Variants in PRPF4 observed in about 807,000 individuals in gnomAD.
The protein encoded by PRPF4 is U4/U6 small nuclear ribonucleoprotein Prp4.
In PRPF4, 14 loss-of-function variants were observed where a neutral mutation model predicts 72.2. That is an observed-to-expected ratio of 0.19 (90% CI 0.13 to 0.30). The LOEUF is 0.30. Among genes scored for constraint, PRPF4 ranks in the 10% least tolerant of loss-of-function variants. The pLI is 1.00. For missense variants in PRPF4, 478 were observed against 653.9 expected (o/e 0.73, Z 2.93); for synonymous variants, 225 against 232.2 (o/e 0.97, Z 0.28).
chr9:113,290,089 G>A (rs746336374), intron 10 of PRPF4, among the ~76,000 whole-genome samples: 3 of 152,144 alleles, frequency 2.0e-5, no homozygotes, highest in East Asian at 3.9e-4. Context: ...GCATGGTGGC[G>A]CACACCTGTA....
chr9:113,289,234 A>G (rs1588018874), intron 10 of PRPF4, among the ~76,000 whole-genome samples: 1 of 152,304 alleles, frequency 6.6e-6, no homozygotes, highest in East Asian at 1.9e-4. Flanking sequence ...TGACTGTGCC[A>G]TAGTTTATCC....
intron 2 of PRPF4, among the ~76,000 whole-genome samples, chr9:113,277,382 C>CTT (rs1024297259): frequency 2.4e-4 from 36 of 148,308 alleles, no homozygotes; most frequent in East Asian, 1.2e-3. Flanking sequence ...AAAGTGAAAT[C>CTT]TTTTTGTGTG....
At chr9:113,281,337 G>GT (rs1174047069) in intron 3 of PRPF4, among the ~76,000 whole-genome samples, 2 of 152,000 alleles carry the variant, frequency 1.3e-5, no homozygotes, top group Non-Finnish European at 2.9e-5. Context: ...TGTTTAGTTT[G>GT]TTTTTTCCAC....
At position 113,284,459 on chromosome 9, in the gene PRPF4, C is replaced by A. The variant is rs141534953; in HGVS notation, c.749+70C>A. ...GGCTCAGGAAGAAAATTAGCATTTG[C>A]GTTAGACGTCTATTTCTACGTCCTC... is the stretch of plus-strand genomic sequence containing the variant. On this transcript the variant is annotated intron_variant, in intron 7 of 13. Coordinates refer to ENST00000374198, the MANE Select transcript of PRPF4 (RefSeq NM_001244926.2). The A allele has an allele frequency of 1.5e-5, 19 of 1,277,174 alleles. No individual in the cohort carries two copies. In the African/African-American group the frequency reaches 2.5e-4, roughly 17 times the overall value. 79.1% of individuals were successfully genotyped at this position (1,277,174 alleles called of 1,614,324 possible).
At chr9:113,288,696 C>T (rs1050491222) in intron 10 of PRPF4, among the ~76,000 whole-genome samples, 3 of 152,260 alleles carry the variant, frequency 2.0e-5, no homozygotes, top group African/African-American at 7.2e-5. Flanking sequence ...CTCAGCCTCC[C>T]AAAGTGCTGG....
Position 113,279,069 on chromosome 9 carries a change from C to T in PRPF4, c.330C>T (p.Cys110=), listed in dbSNP as rs376191340. The T allele has an allele frequency of 6.2e-7, 1 of 1,614,176 alleles. No homozygotes were observed. ...VSTDDSEVKA[C]LRALGEPITL... Reference sequence around the variant, plus strand: ...CAGATGACTCAGAGGTCAAAGCTTGCCTTAGAGCCTTGGGGGAACCCATCA... The same window carrying T: ...CAGATGACTCAGAGGTCAAAGCTTGTCTTAGAGCCTTGGGGGAACCCATCA... The change falls in exon 3 of 14, where the codon TGC becomes TGT. Residue 110 remains cysteine (C), a synonymous_variant. Coordinates refer to ENST00000374198, the MANE Select transcript of PRPF4 (RefSeq NM_001244926.2).
chr9:113,291,152 A>C, intron 13 of PRPF4, 136 bp downstream of exon 13: 1 of 931,686 alleles, frequency 1.1e-6, no homozygotes, highest in Non-Finnish European at 1.7e-6. Context: ...GGAGCAAATT[A>C]TAATTTCCTT....
chr9:113,284,266 A>G (rs776802888), intron 6 of PRPF4, 29 bp from the exon 7 acceptor site: 2 of 1,487,480 alleles, frequency 1.3e-6, no homozygotes, highest in Non-Finnish European at 9.4e-7. Context: ...ATTAATGATC[A>G]CCGTGTGTGT....
intron 9 of PRPF4, among the ~76,000 whole-genome samples, 177 bp from the exon 10 acceptor site, chr9:113,287,998 C>T (rs574980005): frequency 6.6e-6 from 1 of 152,300 alleles, no homozygotes; most frequent in African/African-American, 2.4e-5. Flanking sequence ...TTCTAGAATC[C>T]AGGTACTCCT....
At chr9:113,282,601 T>C (rs1832314346) in intron 3 of PRPF4, 45 bp from the exon 4 acceptor site, 1 of 1,432,456 alleles carries the variant, frequency 7.0e-7, no homozygotes. Context: ...AACAGTATTA[T>C]CTCAACCATG....
Position 113,282,574 on chromosome 9 carries a change from T to C in PRPF4, c.393-72T>C, listed in dbSNP as rs538827377. ...TTTAATAACAGTGTTTAAAACTGTGTTAAAGTGTACTTTAAAAACAGTATT... is the reference window on the plus strand; with the variant it reads ...TTTAATAACAGTGTTTAAAACTGTGCTAAAGTGTACTTTAAAAACAGTATT... On this transcript the variant is annotated intron_variant, in intron 3 of 13. Coordinates refer to ENST00000374198, the MANE Select transcript of PRPF4 (RefSeq NM_001244926.2). 82 of 1,208,720 alleles carry C rather than the reference T, an allele frequency of 6.8e-5. 1 individual carries two copies. In the South Asian group the frequency reaches 9.8e-4, roughly 14 times the overall value. The allele number at this position is 1,208,720 out of a possible 1,614,324, so 74.9% of individuals were successfully genotyped here. A position where few individuals can be genotyped will look rare whatever the true frequency, so the allele number is the denominator to read the frequency against.
At position 113,275,716 on chromosome 9, in the gene PRPF4, C is replaced by T; in HGVS notation, c.-28C>T. The T allele has an allele frequency of 1.2e-6, 2 of 1,608,060 alleles. No individual in the cohort carries two copies. Among genetic ancestry groups the T allele is most frequent in the South Asian group, 1.1e-5 (1 of 90,618 alleles). The stretch of plus-strand genomic sequence containing the variant: ...TCTGAAAGGGAGTGTTCGGGTTTCG[C>T]TGGGGCCTCGCGGCTCCAGAGCCCA... On this transcript the variant is annotated 5_prime_UTR_variant, in exon 1 of 14. Coordinates refer to ENST00000374198, the MANE Select transcript of PRPF4 (RefSeq NM_001244926.2).
chr9:113,284,227 GA>G (rs756228634), intron 6 of PRPF4, 67 bp from the exon 7 acceptor site: 6 of 1,223,090 alleles, frequency 4.9e-6, no homozygotes, highest in Non-Finnish European at 7.1e-6. Flanking sequence ...TTTTATGGTG[GA>G]AAAGCAAAGG....
chr9:113,285,085 A>G (rs1470136778), intron 7 of PRPF4, among the ~76,000 whole-genome samples: 1 of 152,018 alleles, frequency 6.6e-6, no homozygotes, highest in Non-Finnish European at 1.5e-5. Flanking sequence ...AAGCCTCATT[A>G]CCTTCACTAT....
At chr9:113,276,295 C>A (rs553880729) in intron 1 of PRPF4, among the ~76,000 whole-genome samples, 1 of 152,300 alleles carries the variant, frequency 6.6e-6, no homozygotes, top group Non-Finnish European at 1.5e-5. Context: ...CAGAGCAAAC[C>A]TTTCATAGGA....
intron 6 of PRPF4, 134 bp downstream of exon 6, chr9:113,283,616 C>A: frequency 1.2e-6 from 1 of 826,978 alleles, no homozygotes; most frequent in Non-Finnish European, 1.9e-6. Flanking sequence ...GCTGCTGTGA[C>A]ATGGAAGGAG....
intron 2 of PRPF4, 96 bp downstream of exon 2, chr9:113,276,821 A>G (rs1041842943): frequency 7.3e-5 from 79 of 1,087,712 alleles, no homozygotes; most frequent in Non-Finnish European, 9.0e-5. Context: ...AAAAATTACA[A>G]TTTTTTTTTT....
intron 10 of PRPF4, among the ~76,000 whole-genome samples, chr9:113,289,008 CCAT>C (rs1316189514): frequency 1.3e-5 from 2 of 152,198 alleles, no homozygotes; most frequent in African/African-American, 4.8e-5. Context: ...AGAGAATAGT[CCAT>C]CACCCCAGAA....
At position 113,291,658 on chromosome 9, in the gene PRPF4, T is replaced by G. The variant is rs1431742081; in HGVS notation, c.1564T>G (p.Ter522GluextTer24). ...DRTFKLWMAE[*>E] Reference sequence around the variant, plus strand: ...GACCTTCAAGCTGTGGATGGCTGAATAGATGACAATGGGAAAAGGACTTGA... The same window carrying G: ...GACCTTCAAGCTGTGGATGGCTGAAGAGATGACAATGGGAAAAGGACTTGA... Residue 522 changes from the stop codon to glutamate (E), a stop_lost, in exon 14 of 14, where the codon TAG becomes GAG. Coordinates refer to ENST00000374198, the MANE Select transcript of PRPF4 (RefSeq NM_001244926.2). The G allele has an allele frequency of 1.2e-6, 2 of 1,613,826 alleles. No individual in the cohort carries two copies. The highest frequency in any genetic ancestry group is 4.5e-5 in the East Asian group (2 of 44,880).
Sources: gnomAD v4.1 joint callset for allele counts (sites outside exome capture counted in the v4.1 genomes callset) on GRCh38, gnomAD v4.1.1 for gene constraint, MANE v1.5 for transcripts, NCBI Gene and HGNC (gene_info 2026-07-23, HGNC 2026-07-21) for gene names.